MICU1: variants seen among roughly 807,000 people sequenced by gnomAD.
The protein encoded by MICU1 is mitochondrial calcium uptake 1.
A neutral mutation model predicts 56.8 loss-of-function variants in MICU1; 45 were observed. That is an observed-to-expected ratio of 0.79 (90% CI 0.62 to 1.02). The LOEUF is 1.02. MICU1 is among the 50% of genes least tolerant of loss of function. MICU1 has a pLI of 0.00. For missense variants in MICU1, 504 were observed against 587.1 expected, an observed-to-expected ratio of 0.86 and a Z score of 1.46; for synonymous variants, 186 against 195.1, an observed-to-expected ratio of 0.95 and a Z score of 0.39.
At chr10:72,451,210 A>G (rs1334154193) in intron 8 of MICU1, among the ~76,000 whole-genome samples, 2 of 151,154 alleles carry the variant, frequency 1.3e-5, no homozygotes, top group Admixed American at 1.3e-4. Context: ...TTTTTAGTAG[A>G]AATGGGGTTT....
rs147591819 is a variant in MICU1 at position 72,584,433 on chromosome 10, T to C, written c.-1-17639A>G. On this transcript the variant is annotated intron_variant, in intron 1 of 11. Transcript: ENST00000361114. ...ACAATGATGTCTAAAACCTCTATAA[T>C]GTATTAATGTGTTCAGATCATAAAT... 1.2e-3 allele frequency among the ~76,000 whole-genome samples: 187 copies of C among 152,352 alleles called. 1 individual carries two copies. Among genetic ancestry groups the C allele is most frequent in the African/African-American group, 4.0e-3 (168 of 41,584 alleles).
At chr10:72,434,778 A>G (rs1864654562) in intron 8 of MICU1, among the ~76,000 whole-genome samples, 1 of 152,212 alleles carries the variant, frequency 6.6e-6, no homozygotes, top group South Asian at 2.1e-4. Flanking sequence ...GCACTCTGGG[A>G]TCTACTGCTT....
intron 1 of MICU1, among the ~76,000 whole-genome samples, chr10:72,576,103 A>G (rs907979115): frequency 3.3e-5 from 5 of 151,774 alleles, no homozygotes; most frequent in African/African-American, 4.8e-5. Flanking sequence ...AATCCCAGCT[A>G]TTCGGGAGGC....
chr10:72,375,670 C>G, intron 11 of MICU1, 113 bp downstream of exon 11: 1 of 947,360 alleles, frequency 1.1e-6, no homozygotes, highest in Non-Finnish European at 1.5e-6. Context: ...AGGTGGGTAG[C>G]TTGAAGAGGA....
At chr10:72,623,452 GT>G (rs2132596828) in intron 1 of MICU1, among the ~76,000 whole-genome samples, 1 of 152,178 alleles carries the variant, frequency 6.6e-6, no homozygotes, top group African/African-American at 2.4e-5. Context: ...AAAAAAACTG[GT>G]TCTAGTGGCT....
chr10:72,610,621 G>A (rs1841818490), intron 1 of MICU1, among the ~76,000 whole-genome samples: 1 of 152,202 alleles, frequency 6.6e-6, no homozygotes, highest in South Asian at 2.1e-4. Flanking sequence ...ACAGCTGACA[G>A]AAGTTGTGTG....
chr10:72,556,487 T>C (rs1325014116), intron 3 of MICU1, among the ~76,000 whole-genome samples: 1 of 151,934 alleles, frequency 6.6e-6, no homozygotes, highest in African/African-American at 2.4e-5. Context: ...ATTACAGGCA[T>C]GTGCTACCAT....
chr10:72,508,533 A>C, intron 5 of MICU1: 1 of 241,294 alleles, frequency 4.1e-6, no homozygotes. Context: ...GCCATTGCAC[A>C]TATACAGGCC....
intron 5 of MICU1, among the ~76,000 whole-genome samples, chr10:72,526,840 A>C (rs898643169): frequency 6.6e-6 from 1 of 151,500 alleles, no homozygotes; most frequent in Non-Finnish European, 1.5e-5. Context: ...CTTACCTAAT[A>C]CTGTTTGCTC....
At chr10:72,438,693 T>C (rs1864818892) in intron 8 of MICU1, among the ~76,000 whole-genome samples, 1 of 151,694 alleles carries the variant, frequency 6.6e-6, no homozygotes. Flanking sequence ...ATCAAATAGA[T>C]ACAATAGAAA....
intron 1 of MICU1, among the ~76,000 whole-genome samples, chr10:72,576,062 A>C (rs866916635): frequency 7.9e-5 from 12 of 151,950 alleles, no homozygotes; most frequent in Non-Finnish European, 1.3e-4. Flanking sequence ...AAAAATACAA[A>C]AATTAGCTGG....
intron 5 of MICU1, among the ~76,000 whole-genome samples, chr10:72,532,570 G>C (rs1440999911): frequency 2.0e-5 from 3 of 152,118 alleles, no homozygotes; most frequent in African/African-American, 7.2e-5. Context: ...ACATTGGATA[G>C]GGTACTTTAC....
At chr10:72,440,318 A>T (rs2132179738) in intron 8 of MICU1, among the ~76,000 whole-genome samples, 1 of 152,360 alleles carries the variant, frequency 6.6e-6, no homozygotes, top group South Asian at 2.1e-4. Flanking sequence ...CTATTTAATA[A>T]ATGGTGCTGG....
chr10:72,474,412 G>C (rs1469191630), intron 8 of MICU1, among the ~76,000 whole-genome samples: 1 of 151,942 alleles, frequency 6.6e-6, no homozygotes, highest in East Asian at 1.9e-4. Flanking sequence ...TCAATGTTTT[G>C]AATGGAACAG....
intron 9 of MICU1, among the ~76,000 whole-genome samples, chr10:72,416,196 G>A (rs534118500): frequency 6.6e-6 from 1 of 152,126 alleles, no homozygotes; most frequent in East Asian, 1.9e-4. Context: ...TCATTGTGGG[G>A]AAAAAACAGG....
At chr10:72,378,131 T>C (rs1217606818) in intron 10 of MICU1, among the ~76,000 whole-genome samples, 1 of 152,152 alleles carries the variant, frequency 6.6e-6, no homozygotes, top group African/African-American at 2.4e-5. Flanking sequence ...TGCGCACCTA[T>C]AGTCCAAGCT....
At chr10:72,568,619 T>C (rs1239303848) in intron 1 of MICU1, among the ~76,000 whole-genome samples, 1 of 152,142 alleles carries the variant, frequency 6.6e-6, no homozygotes, top group East Asian at 1.9e-4. Context: ...TGAGCACAGC[T>C]GACCTGTAGA....
At chr10:72,522,506 T>A (rs983804146) in intron 5 of MICU1, among the ~76,000 whole-genome samples, 1 of 152,176 alleles carries the variant, frequency 6.6e-6, no homozygotes, top group South Asian at 2.1e-4. Flanking sequence ...GCACACTTAA[T>A]GATTACATTA....
At chr10:72,602,681 C>G (rs1245761757) in intron 1 of MICU1, among the ~76,000 whole-genome samples, 1 of 152,144 alleles carries the variant, frequency 6.6e-6, no homozygotes, top group African/African-American at 2.4e-5. Context: ...TAGTAATCAA[C>G]AATAATACAT....
Sources: allele counts gnomAD v4.1 joint callset (sites outside exome capture counted in the v4.1 genomes callset), GRCh38; gene constraint gnomAD v4.1.1; transcripts MANE v1.5; gene names NCBI Gene and HGNC (gene_info 2026-07-23, HGNC 2026-07-21).